The following CUL5 variants were observed in gnomAD, a reference collection of about 807,000 sequenced individuals.
CUL5 encodes the protein cullin-5.
In CUL5, 26 loss-of-function variants were observed where a neutral mutation model predicts 108.8. The ratio of observed to expected loss-of-function variants is 0.24; its 90% confidence interval spans 0.18 to 0.33. CUL5 has a LOEUF of 0.33. CUL5 is among the 10% of genes least tolerant of loss of function. The pLI, the probability that CUL5 is intolerant of heterozygous loss-of-function variation, is 1.00. For missense variants in CUL5, 524 were observed against 909.2 expected, an observed-to-expected ratio of 0.58 and a Z score of 5.45; for synonymous variants, 334 against 298.0, an observed-to-expected ratio of 1.12 and a Z score of -1.25.
intron 2 of CUL5, among the ~76,000 whole-genome samples, chr11:108,037,115 A>G (rs1399851296): frequency 3.9e-5 from 6 of 152,016 alleles, no homozygotes; most frequent in Admixed American, 1.3e-4. Context: ...CCTGGAGGCA[A>G]GAAAAAAAAA....
intron 13 of CUL5, among the ~76,000 whole-genome samples, chr11:108,093,841 G>A (rs914453337): frequency 5.3e-5 from 8 of 152,102 alleles, no homozygotes; most frequent in African/African-American, 1.7e-4. Context: ...GGACTATCTC[G>A]GCAGTATGCC....
chr11:108,036,272 C>G (rs945200445), intron 2 of CUL5, among the ~76,000 whole-genome samples: 1 of 152,086 alleles, frequency 6.6e-6, no homozygotes, highest in Non-Finnish European at 1.5e-5. Flanking sequence ...TATTCTGCTC[C>G]CAATACTCAG....
At chr11:108,017,033 C>A (rs537672766) in intron 1 of CUL5, among the ~76,000 whole-genome samples, 1 of 152,088 alleles carries the variant, frequency 6.6e-6, no homozygotes, top group African/African-American at 2.4e-5. Context: ...GGTAATTGAT[C>A]TGTGTAGCTG....
intron 11 of CUL5, among the ~76,000 whole-genome samples, chr11:108,081,370 G>A (rs1329369019): frequency 2.0e-5 from 3 of 152,144 alleles, no homozygotes; most frequent in Non-Finnish European, 2.9e-5. Context: ...TTTTGTATAT[G>A]GTGTGAGATA....
intron 18 of CUL5, among the ~76,000 whole-genome samples, chr11:108,099,679 C>A (rs1263857978): frequency 6.6e-6 from 1 of 151,890 alleles, no homozygotes; most frequent in African/African-American, 2.4e-5. Context: ...TGAACATTAC[C>A]CAATTAAGAT....
At chr11:108,104,105 T>C (rs1207473480) in intron 18 of CUL5, 85 bp from the exon 19 acceptor site, 2 of 780,192 alleles carry the variant, frequency 2.6e-6, no homozygotes, top group Non-Finnish European at 4.1e-6. Flanking sequence ...AGAGGATGAA[T>C]ATGCATAAAA....
At chr11:108,018,399 G>C (rs1222682446) in intron 1 of CUL5, among the ~76,000 whole-genome samples, 1 of 152,162 alleles carries the variant, frequency 6.6e-6, no homozygotes, top group Non-Finnish European at 1.5e-5. Flanking sequence ...GGGGGTGATG[G>C]CGCATGCCTA....
At chr11:108,070,287 T>C (rs1323900729) in intron 8 of CUL5, 98 bp downstream of exon 8, 1 of 801,758 alleles carries the variant, frequency 1.2e-6, no homozygotes, top group African/African-American at 1.7e-5. Flanking sequence ...CTTTTCCACA[T>C]AGGTATATGT....
At chr11:108,048,456 A>C (rs186014850) in intron 3 of CUL5, among the ~76,000 whole-genome samples, 1 of 152,114 alleles carries the variant, frequency 6.6e-6, no homozygotes, top group East Asian at 1.9e-4. Context: ...ATGGTTTTTG[A>C]TGTGGCTTTC....
chr11:108,057,939 A>G (rs2066246255), intron 7 of CUL5, among the ~76,000 whole-genome samples: 3 of 152,180 alleles, frequency 2.0e-5, no homozygotes, highest in African/African-American at 7.2e-5. Context: ...GGCTGGGTGC[A>G]GTGGCTCACG....
chr11:108,070,252 C>A, intron 8 of CUL5, 63 bp downstream of exon 8: 1 of 1,207,126 alleles, frequency 8.3e-7, no homozygotes, highest in Non-Finnish European at 1.2e-6. Context: ...AAACAAATCA[C>A]TTACTAAGTT....
intron 2 of CUL5, among the ~76,000 whole-genome samples, chr11:108,034,305 A>G (rs928263849): frequency 1.2e-4 from 19 of 152,192 alleles, no homozygotes; most frequent in African/African-American, 4.3e-4. Flanking sequence ...AGAGAAGCTT[A>G]TTGGAGACTC....
At chr11:108,099,405 A>G (rs1303976261) in intron 18 of CUL5, among the ~76,000 whole-genome samples, 1 of 152,334 alleles carries the variant, frequency 6.6e-6, no homozygotes, top group Middle Eastern at 3.4e-3. Context: ...AGATGAATGA[A>G]TAAAAACCAA....
intron 13 of CUL5, among the ~76,000 whole-genome samples, chr11:108,091,086 G>A (rs972966158): frequency 6.6e-6 from 1 of 151,388 alleles, no homozygotes; most frequent in Non-Finnish European, 1.5e-5. Context: ...TAGTCTTGCT[G>A]TGTTACCCAG....
At chr11:108,099,243 A>G (rs1864581542) in intron 18 of CUL5, among the ~76,000 whole-genome samples, 2 of 152,090 alleles carry the variant, frequency 1.3e-5, no homozygotes, top group Admixed American at 6.6e-5. Context: ...GGGCTCAAGC[A>G]ATATGCCTCC....
At chr11:108,083,533 G>A (rs1864150219) in intron 11 of CUL5, among the ~76,000 whole-genome samples, 1 of 152,232 alleles carries the variant, frequency 6.6e-6, no homozygotes. Flanking sequence ...GCTCATGCCT[G>A]TCATCTCAGC....
At chr11:108,088,782 C>A in intron 12 of CUL5, 123 bp downstream of exon 12, 1 of 735,684 alleles carries the variant, frequency 1.4e-6, no homozygotes, top group Non-Finnish European at 2.0e-6. Context: ...ACTAATGTTA[C>A]GAAGATTTGC....
At chr11:108,091,837 TTAGTGAAATGC>T (rs1350073274) in intron 13 of CUL5, among the ~76,000 whole-genome samples, 1 of 151,910 alleles carries the variant, frequency 6.6e-6, no homozygotes. Flanking sequence ...TCATTAGTCA[TTAGTGAAATGC>T]AAGTGAAATG....
In CUL5 at chr11:108,062,554, ATAAT is replaced by A. The variant is rs1319494233; in HGVS notation, c.781-7538_781-7535del. 1.7e-4 allele frequency among the ~76,000 whole-genome samples: 25 copies of A among 148,504 alleles called. 1 individual carries two copies. The highest frequency in any genetic ancestry group is 5.1e-4 in the African/African-American group (21 of 40,942). On this transcript the variant is annotated intron_variant, in intron 7 of 18. Coordinates refer to ENST00000393094, the MANE Select transcript of CUL5 (RefSeq NM_003478.6). ...TAATTATAAATATATAAAATTATAA[ATAAT>A]TAAATATTTATTTTATAAATATAAA...
Sources: gnomAD v4.1 joint callset for allele counts (sites outside exome capture counted in the v4.1 genomes callset) on GRCh38, gnomAD v4.1.1 for gene constraint, MANE v1.5 for transcripts, NCBI Gene and HGNC (gene_info 2026-07-23, HGNC 2026-07-21) for gene names.